Variants in ZNF362 observed in about 807,000 individuals in gnomAD.
The protein encoded by ZNF362 is rotund homolog.
A neutral mutation model predicts 42.9 loss-of-function variants in ZNF362; 11 were observed. The observed-to-expected ratio is 0.26, with a 90% CI of 0.16 to 0.42. ZNF362 has a LOEUF of 0.42. ZNF362 is among the 20% of genes least tolerant of loss of function. The pLI, the probability that ZNF362 is intolerant of heterozygous loss-of-function variation, is 1.00. For missense variants in ZNF362, 362 were observed against 576.2 expected (o/e 0.63, Z 3.81); for synonymous variants, 255 against 257.3 (o/e 0.99, Z 0.09).
the ZNF362 span, among the ~76,000 whole-genome samples, chr1:33,201,503 C>T: frequency 2.0e-5 from 3 of 152,078 alleles, no homozygotes; most frequent in East Asian, 5.8e-4. Flanking sequence ...GGAAAATCTG[C>T]AAGTATTTAG....
At chr1:33,262,116 GA>G (rs1469825391) in intron 1 of ZNF362, among the ~76,000 whole-genome samples, 1 of 151,922 alleles carries the variant, frequency 6.6e-6, no homozygotes, top group Non-Finnish European at 1.5e-5. Context: ...GAATTTGGGG[GA>G]GGTGGCTGAA....
the ZNF362 span, among the ~76,000 whole-genome samples, chr1:33,235,593 G>A: frequency 6.6e-6 from 1 of 152,166 alleles, no homozygotes. Flanking sequence ...TAGGTGTAGG[G>A]ACCACTGCAA....
chr1:33,214,239 C>A, the ZNF362 span, among the ~76,000 whole-genome samples: 2 of 152,186 alleles, frequency 1.3e-5, no homozygotes, highest in African/African-American at 4.8e-5. Context: ...AGAACATTCA[C>A]TGGGGAAAGG....
chr1:33,180,940 C>T, the ZNF362 span: 1 of 918,462 alleles, frequency 1.1e-6, no homozygotes, highest in South Asian at 1.5e-5. Flanking sequence ...GGGCCTGGCC[C>T]GCGGTCCAGC....
At chr1:33,226,129 T>C in the ZNF362 span, among the ~76,000 whole-genome samples, 5 of 152,216 alleles carry the variant, frequency 3.3e-5, no homozygotes, top group Non-Finnish European at 7.4e-5. Flanking sequence ...AAGGGAGTGC[T>C]GTTGGGATGG....
chr1:33,163,090 G>C, the ZNF362 span: 1 of 151,954 alleles, frequency 6.6e-6, no homozygotes, highest in Non-Finnish European at 1.5e-5. Context: ...CCAGGCTGGG[G>C]TGCAGTGGCT....
At chr1:33,233,751 C>T in the ZNF362 span, among the ~76,000 whole-genome samples, 1 of 152,080 alleles carries the variant, frequency 6.6e-6, no homozygotes, top group African/African-American at 2.4e-5. Flanking sequence ...CTGTCTTCCC[C>T]TGAGACTTTG....
At chr1:33,174,696 T>G in the ZNF362 span, among the ~76,000 whole-genome samples, 1 of 152,140 alleles carries the variant, frequency 6.6e-6, no homozygotes, top group Non-Finnish European at 1.5e-5. Flanking sequence ...ACATCTTTCT[T>G]TCTGCTCCCT....
the ZNF362 span, among the ~76,000 whole-genome samples, chr1:33,217,902 T>C: frequency 6.6e-6 from 1 of 152,184 alleles, no homozygotes; most frequent in African/African-American, 2.4e-5. Context: ...AAAAAATATA[T>C]TTATCTTATT....
the ZNF362 span, among the ~76,000 whole-genome samples, chr1:33,162,552 A>G: frequency 6.6e-6 from 1 of 152,194 alleles, no homozygotes; most frequent in African/African-American, 2.4e-5. Context: ...GCCTGGTACA[A>G]GGCTGGCAAT....
At position 33,280,331 on chromosome 1, in the gene ZNF362, G is replaced by GC. The variant is rs767427280; in HGVS notation, c.564dup (p.Lys189GlnfsTer42). 28 of 1,613,736 alleles carry GC rather than the reference G, an allele frequency of 1.7e-5. No homozygotes were observed. Reference sequence around the variant, plus strand: ...ACAATCCAGGGCCACGGCCTGCTTGGCCCCCCCAAGTCCGAACGCGGCCGC... The same window carrying GC: ...ACAATCCAGGGCCACGGCCTGCTTGGCCCCCCCCAAGTCCGAACGCGGCCGC... On this transcript the variant is annotated frameshift_variant, in exon 5 of 9. Transcript: ENST00000539719. LOFTEE classifies it high-confidence loss of function. This position sits in a 1 kb window ranked among gnomAD's most constrained non-coding sequence, Gnocchi z 5.6.
chr1:33,199,707 T>G, the ZNF362 span: 1 of 152,172 alleles, frequency 6.6e-6, no homozygotes. Flanking sequence ...ATTGTTACTG[T>G]GGGGTTATAA....
At chr1:33,147,017 G>T in the ZNF362 span, 1 of 689,516 alleles carries the variant, frequency 1.5e-6, no homozygotes, top group South Asian at 1.9e-5. This position sits in a 1 kb window ranked among gnomAD's most constrained non-coding sequence, Gnocchi z 8.1. Flanking sequence ...AGGAAGTAGG[G>T]AATGCAACCT....
chr1:33,158,226 T>C, the ZNF362 span: 1 of 1,602,348 alleles, frequency 6.2e-7, no homozygotes, highest in Admixed American at 1.7e-5. Flanking sequence ...CCCACCTAGC[T>C]CTGGACCATG....
the ZNF362 span, among the ~76,000 whole-genome samples, chr1:33,237,506 A>G: frequency 5.9e-5 from 9 of 152,294 alleles, no homozygotes; most frequent in African/African-American, 2.2e-4. Flanking sequence ...ATATGGCTCT[A>G]CTACCAGAAA....
chr1:33,134,374 C>T, the ZNF362 span, among the ~76,000 whole-genome samples: 1 of 152,224 alleles, frequency 6.6e-6, no homozygotes, highest in Non-Finnish European at 1.5e-5. Context: ...GAATTAAGTG[C>T]AGGTGGACTC....
intron 6 of ZNF362, among the ~76,000 whole-genome samples, chr1:33,290,840 C>T (rs1345249196): frequency 1.8e-4 from 27 of 152,170 alleles, no homozygotes; most frequent in Non-Finnish European, 2.9e-5. Flanking sequence ...TTTCATATGT[C>T]TTTTGGCTGC....
the ZNF362 span, among the ~76,000 whole-genome samples, chr1:33,204,592 T>G: frequency 5.3e-5 from 8 of 152,222 alleles, no homozygotes; most frequent in Non-Finnish European, 1.0e-4. Flanking sequence ...ATATTAATTC[T>G]AATCCATGAA....
At chr1:33,158,578 A>G in the ZNF362 span, among the ~76,000 whole-genome samples, 1 of 152,208 alleles carries the variant, frequency 6.6e-6, no homozygotes, top group South Asian at 2.1e-4. Flanking sequence ...GTGCTATGCT[A>G]GCATCAGCCT....
Sources: gnomAD v4.1 joint callset for allele counts (sites outside exome capture counted in the v4.1 genomes callset) on GRCh38, gnomAD v4.1.1 for gene constraint, Gnocchi (gnomAD v3.1) non-coding constraint, MANE v1.5 for transcripts, NCBI Gene and HGNC (gene_info 2026-07-23, HGNC 2026-07-21) for gene names.